Variants in CPT1A observed in about 807,000 individuals in gnomAD.
The protein encoded by CPT1A is carnitine O-palmitoyltransferase 1, liver isoform.
Under a neutral mutation model 100.8 loss-of-function variants are expected in CPT1A, and 64 were observed. The ratio of observed to expected loss-of-function variants is 0.63; its 90% CI spans 0.52 to 0.78. The LOEUF (loss-of-function observed/expected upper bound fraction) is 0.78. Among genes scored for constraint, CPT1A ranks in the 30% least tolerant of loss-of-function variants. The pLI is 0.00. For missense variants in CPT1A, 802 were observed against 1,034.1 expected (o/e 0.78, Z 3.08); for synonymous variants, 363 against 396.0 (o/e 0.92, Z 0.99).
intron 13 of CPT1A, chr11:68,773,797 G>T (rs1855062610): frequency 6.3e-6 from 2 of 317,582 alleles, no homozygotes; most frequent in Admixed American, 8.8e-5. Context: ...AGATAGAAAT[G>T]GAGCTGGTGA....
At chr11:68,802,481 C>T (rs1055293872) in intron 5 of CPT1A, among the ~76,000 whole-genome samples, 3 of 149,984 alleles carry the variant, frequency 2.0e-5, no homozygotes, top group Non-Finnish European at 3.0e-5. Flanking sequence ...CCTGTAATCC[C>T]AGTACTTTCG....
rs141303589 is a variant in CPT1A at position 68,775,361 on chromosome 11, C to A, written c.1530G>T (p.Pro510=). ...EDGHCKGDIN[P]NIPYPTRLQW... ...GCAGCCTGGTGGGGTACGGAATGTT[C>A]GGATTGATGTCGCCTTTGCAGTGCC... Residue 510 remains proline, a synonymous_variant, in exon 13 of 19, where the codon CCG becomes CCT. Coordinates refer to ENST00000265641, the MANE Select transcript of CPT1A (RefSeq NM_001876.4). 6.2e-7 allele frequency: 1 copy of A among 1,614,206 alleles called. No individual in the cohort carries two copies. Among genetic ancestry groups the A allele is most frequent in the South Asian group, 1.1e-5 (1 of 91,082 alleles).
At chr11:68,835,939 GTC>G (rs1490378986) in intron 1 of CPT1A, among the ~76,000 whole-genome samples, 2 of 152,170 alleles carry the variant, frequency 1.3e-5, no homozygotes, top group Non-Finnish European at 2.9e-5. Flanking sequence ...CACCTGTTAG[GTC>G]TTTACTGCAG....
intron 1 of CPT1A, among the ~76,000 whole-genome samples, chr11:68,837,023 C>G (rs1303191781): frequency 1.3e-5 from 2 of 152,104 alleles, no homozygotes; most frequent in African/African-American, 4.8e-5. Flanking sequence ...TCAGTGATAG[C>G]ATATGACAGT....
At chr11:68,764,882 C>T (rs2153995572) in intron 14 of CPT1A, among the ~76,000 whole-genome samples, 1 of 152,364 alleles carries the variant, frequency 6.6e-6, no homozygotes, top group Middle Eastern at 3.4e-3. Flanking sequence ...GCAGCACTTG[C>T]AGTGAGGACC....
At chr11:68,780,249 C>T (rs1594333397) in intron 12 of CPT1A, among the ~76,000 whole-genome samples, 2 of 152,274 alleles carry the variant, frequency 1.3e-5, no homozygotes, top group Non-Finnish European at 2.9e-5. Context: ...GCAAATATTA[C>T]AAAACTAAAT....
chr11:68,786,004 A>T, intron 9 of CPT1A: 1 of 702,338 alleles, frequency 1.4e-6, no homozygotes, highest in Non-Finnish European at 2.6e-6. Context: ...CTCAGTGGGG[A>T]TGCACAGTGA....
chr11:68,812,618 A>G (rs1261301049), intron 2 of CPT1A, 42 bp from the exon 3 acceptor site: 1 of 1,612,226 alleles, frequency 6.2e-7, no homozygotes. Context: ...TCCTCCCACA[A>G]CCCACAGGGC....
intron 13 of CPT1A, among the ~76,000 whole-genome samples, chr11:68,774,781 C>CA (rs1169875761): frequency 0.1 from 5,554 of 53,528 alleles, 159 homozygotes; most frequent in East Asian, 0.18. Context: ...GACTACATCT[C>CA]AAAAAAAAAA....
intron 10 of CPT1A, among the ~76,000 whole-genome samples, chr11:68,782,769 C>T (rs532039333): frequency 2.6e-5 from 4 of 152,308 alleles, no homozygotes; most frequent in African/African-American, 9.6e-5. Flanking sequence ...TATGGCGGCC[C>T]GCAGGGCGAA....
intron 3 of CPT1A, among the ~76,000 whole-genome samples, chr11:68,808,734 A>G (rs1856116714): frequency 6.6e-6 from 1 of 151,920 alleles, no homozygotes; most frequent in Non-Finnish European, 1.5e-5. Context: ...AATATTTTTT[A>G]AATGAAAACT....
In CPT1A at chr11:68,841,547, A is replaced by T. The variant is rs1857158942; in HGVS notation, c.-14+228T>A. ...ATGGACCGACCCCCGGTGGACCCTC[A>T]GACCCAATCCCCTGGGGAACATGGG... On this transcript the variant is annotated intron_variant, in intron 1 of 18. Coordinates refer to ENST00000265641, the MANE Select transcript of CPT1A (RefSeq NM_001876.4). This position sits in a 1 kb window ranked among gnomAD's most constrained non-coding sequence, Gnocchi z 6.3. 6.6e-6 allele frequency among the ~76,000 whole-genome samples: 1 copy of T among 152,164 alleles called. No homozygotes were observed. Among genetic ancestry groups the T allele is most frequent in the Non-Finnish European group, 1.5e-5 (1 of 68,006 alleles).
intron 11 of CPT1A, among the ~76,000 whole-genome samples, chr11:68,780,952 G>C (rs1183394204): frequency 6.6e-6 from 1 of 152,184 alleles, no homozygotes; most frequent in Non-Finnish European, 1.5e-5. Context: ...CAGACACAAA[G>C]ATGAGCGCTT....
At chr11:68,770,962 G>A (rs533335827) in intron 14 of CPT1A, among the ~76,000 whole-genome samples, 1 of 152,324 alleles carries the variant, frequency 6.6e-6, no homozygotes, top group South Asian at 2.1e-4. Flanking sequence ...GAGTGTGGAG[G>A]GCAGAGATGA....
chr11:68,816,060 T>C (rs771958813), intron 1 of CPT1A, among the ~76,000 whole-genome samples: 1 of 151,788 alleles, frequency 6.6e-6, no homozygotes, highest in Non-Finnish European at 1.5e-5. Context: ...CCACACCTAC[T>C]GACGTAAAGC....
intron 1 of CPT1A, among the ~76,000 whole-genome samples, chr11:68,837,649 G>A (rs746515016): frequency 6.6e-6 from 1 of 152,074 alleles, no homozygotes; most frequent in Non-Finnish European, 1.5e-5. Flanking sequence ...AGTGCCCCTC[G>A]TCAGGCGGTT....
At chr11:68,773,592 G>A (rs935544456) in intron 13 of CPT1A, 163 bp from the exon 14 acceptor site, 11 of 1,314,162 alleles carry the variant, frequency 8.4e-6, no homozygotes, top group Non-Finnish European at 1.1e-5. Context: ...TTAGGGGCAT[G>A]GCTCCCTGAC....
chr11:68,773,068 A>C (rs1339609858), intron 14 of CPT1A, among the ~76,000 whole-genome samples, 197 bp downstream of exon 14: 1 of 152,092 alleles, frequency 6.6e-6, no homozygotes, highest in Non-Finnish European at 1.5e-5. Context: ...CGCCTGCTGG[A>C]GGGGGATTTG....
At chr11:68,824,484 A>T (rs1272743198) in intron 1 of CPT1A, among the ~76,000 whole-genome samples, 2 of 152,184 alleles carry the variant, frequency 1.3e-5, no homozygotes, top group African/African-American at 4.8e-5. Flanking sequence ...AATTAAATTT[A>T]AAAAAAGACT....
Sources: gnomAD v4.1 joint callset for allele counts (sites outside exome capture counted in the v4.1 genomes callset) on GRCh38, gnomAD v4.1.1 for gene constraint, Gnocchi (gnomAD v3.1) non-coding constraint, MANE v1.5 for transcripts, NCBI Gene and HGNC (gene_info 2026-07-23, HGNC 2026-07-21) for gene names.